Variants in PRMT3 observed in about 807,000 individuals in gnomAD.
The protein encoded by PRMT3 is protein arginine methyltransferase 3, also known as protein arginine N-methyltransferase 3.
In PRMT3, 62 loss-of-function variants were observed where a neutral mutation model predicts 71.9. That is an observed-to-expected ratio of 0.86 (90% CI 0.70 to 1.07). The LOEUF (loss-of-function observed/expected upper bound fraction) is 1.07. Among genes scored for constraint, PRMT3 ranks in the 50% least tolerant of loss-of-function variants. The probability of loss-of-function intolerance (pLI) is 0.00; values close to 1 mark genes in which losing one functional copy is unlikely to be tolerated. For missense variants in PRMT3, 663 were observed against 643.0 expected (o/e 1.03, Z -0.34); for synonymous variants, 213 against 220.4 (o/e 0.97, Z 0.30).
intron 13 of PRMT3, among the ~76,000 whole-genome samples, chr11:20,493,652 A>G (rs1468212959): frequency 1.3e-5 from 2 of 152,196 alleles, no homozygotes; most frequent in Non-Finnish European, 2.9e-5. Flanking sequence ...TTCACCTTTC[A>G]GTGGTCTAGC....
intron 10 of PRMT3, among the ~76,000 whole-genome samples, chr11:20,436,673 T>G (rs1395712259): frequency 6.6e-6 from 1 of 152,142 alleles, no homozygotes; most frequent in East Asian, 1.9e-4. Context: ...GCCACAAGAT[T>G]TAGTTTGCTT....
At chr11:20,434,492 G>T (rs1397215262) in intron 10 of PRMT3, among the ~76,000 whole-genome samples, 1 of 152,028 alleles carries the variant, frequency 6.6e-6, no homozygotes, top group African/African-American at 2.4e-5. Context: ...TGTCTTTCGG[G>T]GTTTTTATAG....
At chr11:20,433,435 A>G (rs187803022) in intron 10 of PRMT3, among the ~76,000 whole-genome samples, 36 of 152,088 alleles carry the variant, frequency 2.4e-4, no homozygotes, top group African/African-American at 8.4e-4. Context: ...CTGTGACACC[A>G]TTTTCTTTAT....
Position 20,395,954 on chromosome 11 carries a change from A to G in PRMT3, c.552A>G (p.Gln184=), listed in dbSNP as rs148078701. The G allele has an allele frequency of 1.9e-4, 309 of 1,609,784 alleles. 1 individual carries two copies. The East Asian group carries it at 6.4e-3, about 34-fold the overall frequency. ...TGGCCAGAGCACGTGAGGATCTGCAAAAAATGAAGTAATTTATCAATCTTG... is the reference window on the plus strand; with the variant it reads ...TGGCCAGAGCACGTGAGGATCTGCAGAAAATGAAGTAATTTATCAATCTTG... ...AALARAREDL[Q]KMKQFAQDFV... The change falls in exon 6 of 16, where the codon CAA becomes CAG. Residue 184 remains glutamine (Q), a synonymous_variant. Coordinates refer to ENST00000331079, the MANE Select transcript of PRMT3 (RefSeq NM_005788.4).
intron 10 of PRMT3, among the ~76,000 whole-genome samples, chr11:20,428,061 T>C (rs7480750): frequency 0.32 from 49,207 of 151,872 alleles, 10,076 homozygotes; most frequent in Non-Finnish European, 0.46. Context: ...TGACAGTTAC[T>C]ATTTTGTATG....
intron 15 of PRMT3, among the ~76,000 whole-genome samples, chr11:20,496,145 G>C (rs1355311997): frequency 1.3e-5 from 2 of 152,156 alleles, no homozygotes; most frequent in Non-Finnish European, 2.9e-5. Context: ...TTTATAGAAG[G>C]GAAAAATTGG....
intron 13 of PRMT3, among the ~76,000 whole-genome samples, chr11:20,486,951 G>A (rs1379382231): frequency 6.6e-6 from 1 of 152,024 alleles, no homozygotes; most frequent in African/African-American, 2.4e-5. Context: ...CAGCTACTCG[G>A]GAGGCTGAGG....
At chr11:20,464,349 T>C (rs543762007) in intron 12 of PRMT3, 111 bp from the exon 13 acceptor site, 2 of 1,391,202 alleles carry the variant, frequency 1.4e-6, no homozygotes, top group East Asian at 2.6e-5. Context: ...CCAATAATCA[T>C]TTGTGCATAA....
intron 8 of PRMT3, 61 bp from the exon 9 acceptor site, chr11:20,407,850 T>G (rs1258803179): frequency 3.4e-6 from 5 of 1,462,912 alleles, no homozygotes; most frequent in Non-Finnish European, 4.7e-6. Flanking sequence ...TGAATAGAAT[T>G]TAATATAGAG....
chr11:20,482,320 T>G (rs1007894770), intron 13 of PRMT3, among the ~76,000 whole-genome samples: 1 of 146,354 alleles, frequency 6.8e-6, no homozygotes, highest in African/African-American at 2.8e-5. Flanking sequence ...TAAAATACAA[T>G]TTGAGTGGAA....
chr11:20,408,106 A>T, intron 9 of PRMT3, 74 bp downstream of exon 9: 1 of 1,123,498 alleles, frequency 8.9e-7, no homozygotes, highest in East Asian at 2.8e-5. Flanking sequence ...TCTTGTCTTT[A>T]GTAGCTATCT....
At chr11:20,475,899 C>T (rs1280795392) in intron 13 of PRMT3, among the ~76,000 whole-genome samples, 1 of 151,534 alleles carries the variant, frequency 6.6e-6, no homozygotes, top group African/African-American at 2.4e-5. Context: ...TAGTCTTGAA[C>T]TCCAGACCTC....
At chr11:20,409,180 A>G (rs1484918178) in intron 9 of PRMT3, among the ~76,000 whole-genome samples, 1 of 152,172 alleles carries the variant, frequency 6.6e-6, no homozygotes, top group East Asian at 1.9e-4. Context: ...AAATATTTAA[A>G]TTTGTTTAGA....
intron 10 of PRMT3, among the ~76,000 whole-genome samples, chr11:20,433,125 T>C (rs561681379): frequency 1.3e-5 from 2 of 152,176 alleles, no homozygotes; most frequent in East Asian, 3.9e-4. Flanking sequence ...CCATGGGGGT[T>C]TGTTGTACAA....
At chr11:20,476,745 C>CATTT (rs1241146939) in intron 13 of PRMT3, among the ~76,000 whole-genome samples, 1 of 29,078 alleles carries the variant, frequency 3.4e-5, no homozygotes, top group African/African-American at 1.7e-4. Flanking sequence ...TTTCTATTTT[C>CATTT]ATTTTTAGAG....
chr11:20,475,422 G>A (rs918557006), intron 13 of PRMT3, among the ~76,000 whole-genome samples: 1 of 152,162 alleles, frequency 6.6e-6, no homozygotes, highest in South Asian at 2.1e-4. Context: ...TTCATTTGCC[G>A]CTTTCATTCT....
intron 15 of PRMT3, among the ~76,000 whole-genome samples, chr11:20,498,222 G>A (rs1851376563): frequency 6.6e-6 from 1 of 152,160 alleles, no homozygotes; most frequent in Admixed American, 6.5e-5. Flanking sequence ...CTTGGAAGAA[G>A]CTGAGGGAGG....
chr11:20,484,941 G>A (rs1851035927), intron 13 of PRMT3, among the ~76,000 whole-genome samples: 1 of 152,162 alleles, frequency 6.6e-6, no homozygotes, highest in Admixed American at 6.6e-5. Flanking sequence ...CTAACAATTG[G>A]GGCTGCTTTT....
intron 5 of PRMT3, 118 bp downstream of exon 5, chr11:20,393,117 C>T (rs1215882761): frequency 2.9e-6 from 2 of 694,820 alleles, no homozygotes; most frequent in Non-Finnish European, 4.9e-6. Flanking sequence ...AATGCTTCAT[C>T]AGGTAGTTAG....
Sources: allele counts gnomAD v4.1 joint callset (sites outside exome capture counted in the v4.1 genomes callset), GRCh38; gene constraint gnomAD v4.1.1; transcripts MANE v1.5; gene names NCBI Gene and HGNC (gene_info 2026-07-23, HGNC 2026-07-21).